Variants in LDLRAD4 observed in about 807,000 individuals in gnomAD.
LDLRAD4 encodes low density lipoprotein receptor class A domain containing 4, also known as low-density lipoprotein receptor class A domain-containing protein 4.
In LDLRAD4, 5 loss-of-function variants were observed where a neutral mutation model predicts 17.0. The observed-to-expected ratio is 0.29, with a 90% CI of 0.15 to 0.62. The LOEUF (loss-of-function observed/expected upper bound fraction) is 0.62, where lower values mean the gene tolerates loss of function less well. LDLRAD4 is among the 20% of genes least tolerant of loss of function. LDLRAD4 has a pLI of 0.84. For missense variants in LDLRAD4, 340 were observed against 424.7 expected (o/e 0.80, Z 1.75); for synonymous variants, 168 against 171.8 (o/e 0.98, Z 0.17).
rs189622200 is a variant in LDLRAD4 at position 13,337,222 on chromosome 18, G to T, written c.-382-50119G>T. 1.1e-4 allele frequency among the ~76,000 whole-genome samples: 17 copies of T among 152,206 alleles called. No individual in the cohort carries two copies. The East Asian group carries it at 3.3e-3, about 29-fold the overall frequency. On this transcript the variant is annotated intron_variant, in intron 1 of 5. Coordinates refer to ENST00000359446, the Ensembl canonical transcript of LDLRAD4. ...CCTGGAGGGCTTCAGTCCCATTCGCGCACTCATACTTGCAATCATGGACTA... is the reference window on the plus strand; with the variant it reads ...CCTGGAGGGCTTCAGTCCCATTCGCTCACTCATACTTGCAATCATGGACTA...
At chr18:13,494,247 G>A (rs548228725) in intron 3 of LDLRAD4, among the ~76,000 whole-genome samples, 7 of 152,228 alleles carry the variant, frequency 4.6e-5, no homozygotes, top group South Asian at 2.1e-4. Flanking sequence ...TATATTCACC[G>A]AGAGAGGAAA....
At chr18:13,348,960 G>A (rs567529003) in intron 1 of LDLRAD4, among the ~76,000 whole-genome samples, 96 of 152,264 alleles carry the variant, frequency 6.3e-4, no homozygotes, top group African/African-American at 2.2e-3. Context: ...CGATTTTCCA[G>A]GTGCCATCTG....
chr18:13,361,917 A>C (rs2083700083), intron 1 of LDLRAD4, among the ~76,000 whole-genome samples: 1 of 152,104 alleles, frequency 6.6e-6, no homozygotes, highest in Non-Finnish European at 1.5e-5. Context: ...TCTTGACTGC[A>C]TGAAGGTTTA....
intron 3 of LDLRAD4, among the ~76,000 whole-genome samples, chr18:13,576,475 C>T (rs1421205890): frequency 1.3e-5 from 2 of 151,582 alleles, no homozygotes; most frequent in Non-Finnish European, 2.9e-5. Flanking sequence ...GTGGATTCCT[C>T]TTCCAGTTTC....
At chr18:13,308,947 C>A (rs1438681779) in intron 1 of LDLRAD4, among the ~76,000 whole-genome samples, 1 of 152,152 alleles carries the variant, frequency 6.6e-6, no homozygotes, top group African/African-American at 2.4e-5. Flanking sequence ...GCTATAGAAC[C>A]ACTGTAGCCA....
intron 3 of LDLRAD4, chr18:13,612,939 G>A: frequency 1.4e-6 from 1 of 699,442 alleles, no homozygotes; most frequent in Non-Finnish European, 2.4e-6. Flanking sequence ...TTTCCGGGTG[G>A]GACTCCCTTT....
At chr18:13,615,750 T>C (rs1304011051) in intron 3 of LDLRAD4, 1 of 152,250 alleles carries the variant, frequency 6.6e-6, no homozygotes, top group Non-Finnish European at 1.5e-5. Context: ...TATCCGGTAT[T>C]TCCATTGCAG....
exon 6 of LDLRAD4, chr18:13,651,780 G>A (rs2043256691): frequency 1.3e-5 from 2 of 152,304 alleles, no homozygotes; most frequent in African/African-American, 2.4e-5. Context: ...TCTGCCACCA[G>A]AGTAGAGTCT....
In LDLRAD4 at chr18:13,565,289, G is replaced by A. The variant is rs556113063; in HGVS notation, c.182-55828G>A. ...GTGGGATGAAGGCCACAGCTGAAGA[G>A]ACCATCTTCCCTGATCCCAGACAGC... On this transcript the variant is annotated intron_variant, in intron 3 of 5. Transcript: ENST00000359446. Among the ~76,000 whole-genome samples, 159 of 152,334 alleles carry A rather than the reference G, an allele frequency of 1.0e-3. 1 individual carries two copies. Among genetic ancestry groups the A allele is most frequent in the African/African-American group, 3.8e-3 (157 of 41,590 alleles).
chr18:13,482,456 A>T (rs373813609), intron 3 of LDLRAD4, among the ~76,000 whole-genome samples: 2 of 152,292 alleles, frequency 1.3e-5, no homozygotes, highest in African/African-American at 4.8e-5. Context: ...GGCAAAAAAC[A>T]CTCAGCTGAG....
At chr18:13,533,269 C>A (rs1190463180) in intron 3 of LDLRAD4, among the ~76,000 whole-genome samples, 2 of 152,166 alleles carry the variant, frequency 1.3e-5, no homozygotes, top group Admixed American at 1.3e-4. Context: ...CTTGAAACCC[C>A]AGTCACTTTG....
At chr18:13,469,296 C>T (rs1044873018) in intron 3 of LDLRAD4, among the ~76,000 whole-genome samples, 9 of 152,156 alleles carry the variant, frequency 5.9e-5, no homozygotes, top group Admixed American at 2.6e-4. Context: ...GAGTTTACAA[C>T]GATGCAGCTA....
intron 3 of LDLRAD4, among the ~76,000 whole-genome samples, chr18:13,550,955 A>C (rs574972122): frequency 7.2e-5 from 11 of 152,222 alleles, no homozygotes; most frequent in Admixed American, 5.2e-4. Flanking sequence ...ACCACCCTCC[A>C]GTCATGCCCC....
intron 3 of LDLRAD4, among the ~76,000 whole-genome samples, chr18:13,466,667 A>G (rs953522699): frequency 2.0e-5 from 3 of 152,216 alleles, no homozygotes; most frequent in Admixed American, 6.6e-5. Flanking sequence ...GTCCTCGTCC[A>G]GCTGGGTGCC....
At chr18:13,584,309 A>C (rs2094906250) in intron 3 of LDLRAD4, among the ~76,000 whole-genome samples, 1 of 152,164 alleles carries the variant, frequency 6.6e-6, no homozygotes, top group South Asian at 2.1e-4. Context: ...TTATCCCTTA[A>C]GACTCAGATG....
chr18:13,401,048 A>G (rs898093682), intron 2 of LDLRAD4, among the ~76,000 whole-genome samples: 3 of 151,940 alleles, frequency 2.0e-5, no homozygotes, highest in Non-Finnish European at 4.4e-5. Flanking sequence ...AGATGGGGGG[A>G]ATGGCCGTTG....
Position 13,621,763 on chromosome 18 carries a change from C to T in LDLRAD4, c.336+492C>T, listed in dbSNP as rs988988189. ...GGAGGACGCCTGGAGCTTAAGGCCT[C>T]GGGAGCTTCCTGGGGATCGGCGGTG... is the stretch of plus-strand genomic sequence containing the variant. On this transcript the variant is annotated intron_variant, in intron 4 of 5. Transcript: ENST00000359446. The surrounding 1 kb of genome is among the most constrained non-coding windows in gnomAD (Gnocchi z 5.5). Among the ~76,000 whole-genome samples the T allele has an allele frequency of 6.7e-6, 1 of 150,372 alleles. No homozygotes were observed. Among genetic ancestry groups the T allele is most frequent in the East Asian group, 2.0e-4 (1 of 5,006 alleles).
intron 1 of LDLRAD4, among the ~76,000 whole-genome samples, chr18:13,303,614 G>A (rs1599258404): frequency 6.6e-6 from 1 of 152,084 alleles, no homozygotes; most frequent in East Asian, 1.9e-4. Context: ...TTACAGGTGC[G>A]AGCTACTGCT....
Position 13,492,794 on chromosome 18 carries a change from C to T in LDLRAD4, c.181+54410C>T, listed in dbSNP as rs939450725. Among the ~76,000 whole-genome samples the T allele has an allele frequency of 3.9e-5, 6 of 152,178 alleles. No homozygotes were observed. The East Asian group carries it at 1.2e-3, about 29-fold the overall frequency. On this transcript the variant is annotated intron_variant, in intron 3 of 5. Coordinates refer to ENST00000359446, the Ensembl canonical transcript of LDLRAD4. The stretch of plus-strand genomic sequence containing the variant: ...TTCCTCATTTTCTCCATCCCCACAG[C>T]TCCACTCTTCCTGCCTTTCCCTTGA...
Sources: allele counts gnomAD v4.1 joint callset (sites outside exome capture counted in the v4.1 genomes callset), GRCh38; gene constraint gnomAD v4.1.1; non-coding constraint Gnocchi (gnomAD v3.1); transcripts MANE v1.5; gene names NCBI Gene and HGNC (gene_info 2026-07-23, HGNC 2026-07-21).